The following DLEU7 variants were observed in gnomAD, a reference collection of about 807,000 sequenced individuals.
DLEU7 encodes deleted in lymphocytic leukemia 7.
In DLEU7, 17 loss-of-function variants were observed where a neutral mutation model predicts 16.0. That is an observed-to-expected ratio of 1.06 (90% CI 0.73 to 1.59). DLEU7 has a LOEUF of 1.59. Among genes scored for constraint, DLEU7 ranks in the 40% most tolerant of loss-of-function variants. The pLI is 0.00. For synonymous variants in DLEU7, 113 were observed against 139.8 expected, an observed-to-expected ratio of 0.81 and a Z score of 1.35; for missense variants, 308 against 314.9, an observed-to-expected ratio of 0.98 and a Z score of 0.17.
chr13:50,765,091 C>T (rs1875061985), intron 1 of DLEU7, among the ~76,000 whole-genome samples: 2 of 152,116 alleles, frequency 1.3e-5, no homozygotes, highest in Non-Finnish European at 1.5e-5. Flanking sequence ...CCTTGTTGGC[C>T]AGGCTGGTCT....
intron 1 of DLEU7, chr13:50,807,970 C>T (rs9535491): frequency 0.071 from 10,860 of 152,202 alleles, 482 homozygotes; most frequent in African/African-American, 0.12. Context: ...AAGATCTACA[C>T]TACTAATGAT....
intron 1 of DLEU7, among the ~76,000 whole-genome samples, chr13:50,796,891 A>T (rs1364612139): frequency 1.3e-5 from 2 of 152,146 alleles, no homozygotes; most frequent in African/African-American, 4.8e-5. Context: ...ACCTGCACTG[A>T]ACTGTGTTGT....
intron 1 of DLEU7, among the ~76,000 whole-genome samples, chr13:50,830,430 C>T (rs1877225616): frequency 6.6e-6 from 1 of 152,170 alleles, no homozygotes; most frequent in East Asian, 1.9e-4. Flanking sequence ...AAATGAGACA[C>T]ATAGATCATA....
intron 1 of DLEU7, among the ~76,000 whole-genome samples, chr13:50,738,418 A>G (rs1009870669): frequency 6.6e-5 from 10 of 152,154 alleles, no homozygotes; most frequent in African/African-American, 2.4e-4. Flanking sequence ...ACATGGTGAT[A>G]ATAAAAAGCA....
chr13:50,727,643 C>T (rs1024748093), intron 1 of DLEU7, among the ~76,000 whole-genome samples: 1 of 152,104 alleles, frequency 6.6e-6, no homozygotes, highest in African/African-American at 2.4e-5. Context: ...CAAGGAATCA[C>T]GTTGGGAATA....
intron 1 of DLEU7, among the ~76,000 whole-genome samples, chr13:50,788,747 C>G: frequency 6.6e-6 from 1 of 152,284 alleles, no homozygotes; most frequent in East Asian, 1.9e-4. Flanking sequence ...GAAAATCCCT[C>G]CCACAGAAAT....
At chr13:50,753,732 A>G (rs1002376042) in intron 1 of DLEU7, among the ~76,000 whole-genome samples, 1 of 152,182 alleles carries the variant, frequency 6.6e-6, no homozygotes, top group Non-Finnish European at 1.5e-5. Flanking sequence ...TCAGGCCTTG[A>G]CCATCCCAGA....
chr13:50,807,013 C>T lies in DLEU7; in HGVS notation c.459+36175G>A, dbSNP rs1185257254. Among the ~76,000 whole-genome samples the T allele has an allele frequency of 2.7e-5, 4 of 148,056 alleles. No individual in the cohort carries two copies. In the East Asian group the frequency reaches 8.0e-4, roughly 30 times the overall value. On this transcript the variant is annotated intron_variant, in intron 1 of 1. Transcript: ENST00000400393. ...AAAAAAAAAAAGTCGGTCTGCTCCT[C>T]TGCCTTTTTTTTTCCTACTTTTAAG...
At chr13:50,829,100 C>T (rs931458106) in intron 1 of DLEU7, among the ~76,000 whole-genome samples, 1 of 152,114 alleles carries the variant, frequency 6.6e-6, no homozygotes, top group African/African-American at 2.4e-5. Flanking sequence ...TTTAGCTCAT[C>T]AGCTATCAGT....
At chr13:50,787,154 A>G (rs187292748) in intron 1 of DLEU7, among the ~76,000 whole-genome samples, 21 of 152,342 alleles carry the variant, frequency 1.4e-4, no homozygotes, top group Non-Finnish European at 2.6e-4. Flanking sequence ...ATGGGTTAAC[A>G]TAACAAAAAG....
intron 1 of DLEU7, among the ~76,000 whole-genome samples, chr13:50,761,930 C>T (rs1354374908): frequency 2.0e-5 from 3 of 151,984 alleles, no homozygotes; most frequent in African/African-American, 7.2e-5. Flanking sequence ...GTGGCTCACG[C>T]CTGTAATCCC....
chr13:50,745,523 A>C (rs1247874746), intron 1 of DLEU7, among the ~76,000 whole-genome samples: 6 of 152,188 alleles, frequency 3.9e-5, no homozygotes, highest in Admixed American at 2.0e-4. Context: ...CCATCAAGCC[A>C]TACACTTAGA....
At chr13:50,831,909 G>A (rs186112574) in intron 1 of DLEU7, among the ~76,000 whole-genome samples, 77 of 152,204 alleles carry the variant, frequency 5.1e-4, no homozygotes, top group African/African-American at 3.1e-4. Flanking sequence ...GAGGATTTTC[G>A]CATTGATGTT....
intron 1 of DLEU7, among the ~76,000 whole-genome samples, chr13:50,764,586 A>T (rs563039720): frequency 2.2e-4 from 33 of 152,332 alleles, no homozygotes; most frequent in Non-Finnish European, 3.8e-4. Context: ...ATGAACCCCT[A>T]ATCTTAGTCA....
chr13:50,757,518 C>A (rs1203459196), intron 1 of DLEU7, among the ~76,000 whole-genome samples: 3 of 152,184 alleles, frequency 2.0e-5, no homozygotes, highest in African/African-American at 7.2e-5. Context: ...AGTTTCCCCA[C>A]CAGCCAAACC....
intron 1 of DLEU7, among the ~76,000 whole-genome samples, chr13:50,734,313 T>C (rs2137719408): frequency 6.6e-6 from 1 of 152,344 alleles, no homozygotes; most frequent in Admixed American, 6.5e-5. Flanking sequence ...CTGGTACTAC[T>C]AACCTTTGAA....
At chr13:50,794,528 T>C (rs1160464340) in intron 1 of DLEU7, among the ~76,000 whole-genome samples, 1 of 152,222 alleles carries the variant, frequency 6.6e-6, no homozygotes, top group Non-Finnish European at 1.5e-5. Flanking sequence ...TACTTCAGGT[T>C]GCCAGGCTGC....
At chr13:50,832,727 T>G (rs1321708532) in intron 1 of DLEU7, among the ~76,000 whole-genome samples, 1 of 152,234 alleles carries the variant, frequency 6.6e-6, no homozygotes, top group African/African-American at 2.4e-5. Flanking sequence ...TCTGCCTTAA[T>G]TTCGTTATTT....
chr13:50,787,046 C>T (rs1875808643), intron 1 of DLEU7, among the ~76,000 whole-genome samples: 3 of 152,162 alleles, frequency 2.0e-5, no homozygotes, highest in Non-Finnish European at 2.9e-5. Context: ...GGCCTTTTCT[C>T]TCCTATGATA....
Sources: allele counts gnomAD v4.1 joint callset (sites outside exome capture counted in the v4.1 genomes callset), GRCh38; gene constraint gnomAD v4.1.1; transcripts MANE v1.5; gene names NCBI Gene and HGNC (gene_info 2026-07-23, HGNC 2026-07-21).